The following COQ4 variants were observed in gnomAD, a reference collection of about 807,000 sequenced individuals.
COQ4 encodes the protein coenzyme Q4, also known as ubiquinone biosynthesis protein COQ4 homolog, mitochondrial.
In COQ4, 36 loss-of-function variants were observed where a neutral mutation model predicts 30.2. The ratio of observed to expected loss-of-function variants is 1.19; its 90% CI spans 0.91 to 1.57. The LOEUF is 1.57. Ranked by LOEUF, COQ4 falls within the 40% of genes most tolerant of loss-of-function variation. The pLI, the probability that COQ4 is intolerant of heterozygous loss-of-function variation, is 0.00. For synonymous variants in COQ4, 197 were observed against 161.0 expected, an observed-to-expected ratio of 1.22 and a Z score of -1.69; for missense variants, 369 against 371.9, an observed-to-expected ratio of 0.99 and a Z score of 0.07.
At chr9:128,329,246 CTTGG>C (rs746985044) in intron 4 of COQ4, among the ~76,000 whole-genome samples, 17 of 152,294 alleles carry the variant, frequency 1.1e-4, no homozygotes, top group Admixed American at 5.9e-4. Context: ...ACTTATCGGC[CTTGG>C]TAATGGATAT....
At chr9:128,328,292 C>G (rs1222414797) in intron 4 of COQ4, among the ~76,000 whole-genome samples, 1 of 152,224 alleles carries the variant, frequency 6.6e-6, no homozygotes, top group African/African-American at 2.4e-5. Flanking sequence ...ACCTTAGGAT[C>G]CAGTTGGCCC....
Position 128,333,805 on chromosome 9 carries a change from G to A in COQ4, c.*160G>A, listed in dbSNP as rs1206016595. The A allele has an allele frequency of 1.3e-5, 8 of 604,568 alleles. No homozygotes were observed. The highest frequency in any genetic ancestry group is 3.4e-5 in the East Asian group (1 of 29,586). The allele number at this position is 604,568 out of a possible 1,614,324, so 37.5% of individuals were successfully genotyped here. On this transcript the variant is annotated 3_prime_UTR_variant, in exon 7 of 7. Coordinates refer to ENST00000300452, the MANE Select transcript of COQ4 (RefSeq NM_016035.5). ...ACCACTGCTGAGTGGCCTTGAGGAC[G>A]AACCCCGCAGGGAGCAAGCAGTACA...
At chr9:128,327,504 A>T (rs551014094) in intron 4 of COQ4, among the ~76,000 whole-genome samples, 1 of 152,188 alleles carries the variant, frequency 6.6e-6, no homozygotes, top group Admixed American at 6.5e-5. Flanking sequence ...AGTAATTAGA[A>T]TATTCTGGCA....
chr9:128,325,836 G>T lies in COQ4; in HGVS notation c.357G>T (p.Pro119=), dbSNP rs138917651. ...ACCTGGGCAAGCTCCAGAGCCTGCC[G>T]GAAGGCTCCCTCGGTCGCGAGTATC... is the stretch of plus-strand genomic sequence containing the variant. ...TLDLGKLQSL[P]EGSLGREYLR... Residue 119 remains proline (P), a synonymous_variant, in exon 4 of 7, where the codon CCG becomes CCT. Transcript: ENST00000300452. 1,455 of 1,614,200 alleles carry T rather than the reference G, an allele frequency of 9.0e-4. 1 individual carries two copies. The highest frequency in any genetic ancestry group is 1.1e-3 in the Non-Finnish European group (1,340 of 1,180,040).
chr9:128,323,163 C>T lies in COQ4; in HGVS notation c.202+16C>T. The T allele has an allele frequency of 6.4e-7, 1 of 1,573,486 alleles. No individual in the cohort carries two copies. Among genetic ancestry groups the T allele is most frequent in the East Asian group, 2.3e-5 (1 of 43,748 alleles). On this transcript the variant is annotated intron_variant, in intron 2 of 6. Transcript: ENST00000300452. ...TACCGCCACGGTAAGGCCGCCCGCG[C>T]CTCGCCCCCGTGGGGGCGGCTTGGA...
chr9:128,326,930 G>A (rs1168593191), intron 4 of COQ4, among the ~76,000 whole-genome samples: 1 of 151,606 alleles, frequency 6.6e-6, no homozygotes, highest in Non-Finnish European at 1.5e-5. Context: ...TGTACTTTTA[G>A]TAGAGAGGGG....
intron 2 of COQ4, chr9:128,323,548 A>G (rs1172109924): frequency 7.3e-6 from 3 of 408,412 alleles, no homozygotes; most frequent in Non-Finnish European, 8.6e-6. Context: ...GCACATAGTA[A>G]ATGCTCAATA....
At position 128,332,970 on chromosome 9, in the gene COQ4, G is replaced by A. The variant is rs75690849; in HGVS notation, c.626+27G>A. The A allele has an allele frequency of 1.7e-4, 266 of 1,564,406 alleles. 1 individual carries two copies. In the East Asian group the frequency reaches 5.5e-3, roughly 32 times the overall value. Reference sequence around the variant, plus strand: ...TAAGTTTTCAAGTGGTAGCTGGGTCGGGGTTGAGGGTGGTATCAGGACAGA... The same window carrying A: ...TAAGTTTTCAAGTGGTAGCTGGGTCAGGGTTGAGGGTGGTATCAGGACAGA... On this transcript the variant is annotated intron_variant, in intron 6 of 6. Coordinates refer to ENST00000300452, the MANE Select transcript of COQ4 (RefSeq NM_016035.5).
At position 128,324,885 on chromosome 9, in the gene COQ4, A is replaced by G. The variant is rs534777683; in HGVS notation, c.203-258A>G. On this transcript the variant is annotated intron_variant, in intron 2 of 6. Coordinates refer to ENST00000300452, the MANE Select transcript of COQ4 (RefSeq NM_016035.5). ...ATGGAGACATGATATTGTATTGTGAAAAGTGATTTATAAAATCTTTACAAC... is the reference window on the plus strand; with the variant it reads ...ATGGAGACATGATATTGTATTGTGAGAAGTGATTTATAAAATCTTTACAAC... 6.2e-4 allele frequency among the ~76,000 whole-genome samples: 95 copies of G among 152,374 alleles called. 4 individuals are homozygous for G. Among genetic ancestry groups the G allele is most frequent in the Admixed American group, 5.6e-3 (86 of 15,304 alleles).
At position 128,322,905 on chromosome 9, in the gene COQ4, C is replaced by G. The variant is rs775518369; in HGVS notation, c.47C>G (p.Pro16Arg). The stretch of plus-strand genomic sequence containing the variant: ...GTCCTCCGTCGGCTCTGCGGGCTCC[C>G]GGGCCTACAGCGGCCTGCGGCAGGC... Reference protein sequence around the residue: ...RPVLRRLCGLPGLQRPAAEMP... With the variant: ...RPVLRRLCGLRGLQRPAAEMP... The change falls in exon 1 of 7, where the codon CCG becomes CGG. Residue 16 changes from proline (P) to arginine (R), a missense_variant. By Grantham distance (103) the Pro-to-Arg change is moderately radical (BLOSUM62 -2). Transcript: ENST00000300452. The G allele has an allele frequency of 2.2e-5, 35 of 1,596,362 alleles. No homozygotes were observed. Among genetic ancestry groups the G allele is most frequent in the Middle Eastern group, 1.7e-4 (1 of 6,008 alleles).
rs1318951310 is a variant in COQ4 at position 128,322,858 on chromosome 9, C to T, written c.-1C>T. 1 of 1,561,176 alleles carries T rather than the reference C, an allele frequency of 6.4e-7. No individual in the cohort carries two copies. Among genetic ancestry groups the T allele is most frequent in the Non-Finnish European group, 8.6e-7 (1 of 1,157,132 alleles). On this transcript the variant is annotated 5_prime_UTR_variant, in exon 1 of 7. Transcript: ENST00000300452. ...CCCATCCTCCGCGGACGCCCGCTGCCATGGCGACTCTGCTGCGCCCTGTCC... is the reference window on the plus strand; with the variant it reads ...CCCATCCTCCGCGGACGCCCGCTGCTATGGCGACTCTGCTGCGCCCTGTCC...
At chr9:128,330,625 C>G (rs1210970257) in intron 4 of COQ4, 2 of 151,664 alleles carry the variant, frequency 1.3e-5, no homozygotes, top group South Asian at 2.1e-4. Context: ...TCCCAAGTAG[C>G]TGGGATTACA....
Position 128,323,676 on chromosome 9 carries a change from C to T in COQ4, c.202+529C>T, listed in dbSNP as rs1436906772. ...TTCCTACTAACAAAAACAGGCTAGG[C>T]GCTATTATAGTGGCTCACGCCTATA... On this transcript the variant is annotated intron_variant, in intron 2 of 6. Transcript: ENST00000300452. 2.9e-5 allele frequency: 7 copies of T among 242,764 alleles called. No homozygotes were observed. The East Asian group carries it at 5.5e-4, about 19-fold the overall frequency. The allele number at this position is 242,764 out of a possible 1,614,324, so 15.0% of individuals were successfully genotyped here.
rs573496445 is a variant in COQ4, at chr9:128,330,141, C to T, written c.403-2012C>T. Among the ~76,000 whole-genome samples, 11 of 150,732 alleles carry T rather than the reference C, an allele frequency of 7.3e-5. No individual in the cohort carries two copies. In the South Asian group the frequency reaches 1.9e-3, roughly 26 times the overall value. On this transcript the variant is annotated intron_variant, in intron 4 of 6. Transcript: ENST00000300452. The stretch of plus-strand genomic sequence containing the variant: ...ATCCCAGCTCTCTGGGAGGCCCAGG[C>T]GGGTGGATCACGAAGTCAGGAGTTT...
rs898304891 is a variant in COQ4 at position 128,332,757 on chromosome 9, G to A, written c.533-93G>A. On this transcript the variant is annotated intron_variant, in intron 5 of 6. Coordinates refer to ENST00000300452, the MANE Select transcript of COQ4 (RefSeq NM_016035.5). Reference sequence around the variant, plus strand: ...GCACAGCTGACCCCGTAGAGATTAGGGAGGAACAGTGCCTCTCTTTACCCT... The same window carrying A: ...GCACAGCTGACCCCGTAGAGATTAGAGAGGAACAGTGCCTCTCTTTACCCT... 1.4e-5 allele frequency: 14 copies of A among 966,316 alleles called. No homozygotes were observed. The South Asian group carries it at 1.7e-4, about 12-fold the overall frequency. The allele number at this position is 966,316 out of a possible 1,614,324, so 59.9% of individuals were successfully genotyped here. A position where few individuals can be genotyped will look rare whatever the true frequency, so the allele number is the denominator to read the frequency against.
rs566983104 is a variant in COQ4, at chr9:128,323,082, C to G, written c.137C>G (p.Pro46Arg). Residue 46 changes from proline to arginine, a missense_variant, in exon 2 of 7, where the codon CCG becomes CGG. Coordinates refer to ENST00000300452, the MANE Select transcript of COQ4 (RefSeq NM_016035.5). ...PLYSHHLPTS[P>R]LQKGLLAAGS... Reference sequence around the variant, plus strand: ...TACTCGCACCACCTCCCCACCTCCCCGCTGCAGAAAGGGCTGTTGGCCGCC... The same window carrying G: ...TACTCGCACCACCTCCCCACCTCCCGGCTGCAGAAAGGGCTGTTGGCCGCC... The G allele has an allele frequency of 2.2e-4, 361 of 1,612,114 alleles. No homozygotes were observed. The highest frequency in any genetic ancestry group is 2.5e-4 in the Non-Finnish European group (297 of 1,179,754).
Position 128,322,848 on chromosome 9 carries a change from C to G in COQ4, c.-11C>G, listed in dbSNP as rs368877538. On this transcript the variant is annotated 5_prime_UTR_variant, in exon 1 of 7. Coordinates refer to ENST00000300452, the MANE Select transcript of COQ4 (RefSeq NM_016035.5). Reference sequence around the variant, plus strand: ...TTCGTACCCGCCCATCCTCCGCGGACGCCCGCTGCCATGGCGACTCTGCTG... The same window carrying G: ...TTCGTACCCGCCCATCCTCCGCGGAGGCCCGCTGCCATGGCGACTCTGCTG... 6.5e-7 allele frequency: 1 copy of G among 1,542,546 alleles called. No homozygotes were observed. Among genetic ancestry groups the G allele is most frequent in the South Asian group, 1.2e-5 (1 of 85,196 alleles).
chr9:128,329,665 C>T (rs767624468), intron 4 of COQ4, among the ~76,000 whole-genome samples: 11 of 152,188 alleles, frequency 7.2e-5, no homozygotes, highest in Non-Finnish European at 1.3e-4. Flanking sequence ...CCACCACGCC[C>T]GGCCCTTGTT....
intron 4 of COQ4, 48 bp from the exon 5 acceptor site, chr9:128,332,104 GC>G: frequency 6.5e-7 from 1 of 1,538,550 alleles, no homozygotes; most frequent in Non-Finnish European, 8.8e-7. Context: ...GGCAAATCGG[GC>G]CCTGGGAACC....
Sources: allele counts gnomAD v4.1 joint callset (sites outside exome capture counted in the v4.1 genomes callset), GRCh38; gene constraint gnomAD v4.1.1; transcripts MANE v1.5; gene names NCBI Gene and HGNC (gene_info 2026-07-23, HGNC 2026-07-21).